The following RASGEF1C variants were observed in gnomAD, a reference collection of about 807,000 sequenced individuals.
The protein encoded by RASGEF1C is RasGEF domain family member 1C, also known as ras-GEF domain-containing family member 1C.
In RASGEF1C, 27 loss-of-function variants were observed where a neutral mutation model predicts 58.1. The observed-to-expected ratio is 0.46, with a 90% CI of 0.34 to 0.64. The LOEUF (loss-of-function observed/expected upper bound fraction) is 0.64. Among genes scored for constraint, RASGEF1C ranks in the 30% least tolerant of loss-of-function variants. The probability of loss-of-function intolerance (pLI) is 0.01; values close to 1 mark genes in which losing one functional copy is unlikely to be tolerated. For missense variants in RASGEF1C, 502 were observed against 605.1 expected, an observed-to-expected ratio of 0.83 and a Z score of 1.79; for synonymous variants, 243 against 246.3, an observed-to-expected ratio of 0.99 and a Z score of 0.13.
rs1007965949 is a variant in RASGEF1C at position 180,177,808 on chromosome 5, CCT to C, written c.-7+31218_-7+31219del. ...ATTTATTTGAACTGTCTGAGCAGAG[CCT>C]CTCTCTCTGCTCAGGGCAAGGTAAG... is the stretch of plus-strand genomic sequence containing the variant. On this transcript the variant is annotated intron_variant, in intron 1 of 13. Transcript: ENST00000361132. This position sits in a 1 kb window ranked among gnomAD's most constrained non-coding sequence, Gnocchi z 5.0. 1.1e-4 allele frequency among the ~76,000 whole-genome samples: 16 copies of C among 152,188 alleles called. No individual in the cohort carries two copies. Among genetic ancestry groups the C allele is most frequent in the Non-Finnish European group, 2.1e-4 (14 of 68,008 alleles).
intron 1 of RASGEF1C, among the ~76,000 whole-genome samples, chr5:180,165,343 G>A (rs1409499325): frequency 2.6e-5 from 4 of 151,998 alleles, no homozygotes; most frequent in African/African-American, 9.7e-5. Context: ...TAGGTTCATG[G>A]CAATGATTTT....
intron 12 of RASGEF1C, among the ~76,000 whole-genome samples, chr5:180,106,082 A>T (rs2113235335): frequency 6.6e-6 from 1 of 152,338 alleles, no homozygotes; most frequent in African/African-American, 2.4e-5. Context: ...TTCAAAACTT[A>T]TGAATTATTT....
chr5:180,176,994 G>A (rs7701001), intron 1 of RASGEF1C, among the ~76,000 whole-genome samples: 103,888 of 152,002 alleles, frequency 0.68, 36,030 homozygotes, highest in Non-Finnish European at 0.75. Context: ...CCAAGACAGG[G>A]CCCCTGGCCT....
At chr5:180,132,969 GAAA>G (rs34307583) in intron 4 of RASGEF1C, among the ~76,000 whole-genome samples, 3 of 99,202 alleles carry the variant, frequency 3.0e-5, no homozygotes, top group African/African-American at 7.9e-5. Context: ...CTCCGTCTCA[GAAA>G]AAAAAAAAAA....
Position 180,158,995 on chromosome 5 carries a change from C to T in RASGEF1C, c.-6-20937G>A, listed in dbSNP as rs1200163757. On this transcript the variant is annotated intron_variant, in intron 1 of 13. Transcript: ENST00000361132. The surrounding 1 kb of genome is among the most constrained non-coding windows in gnomAD (Gnocchi z 4.0). ...AGCATTTCAATTTTATCTTCTAAAT[C>T]TTTTATTTCTGCTGATGTATTATTA... Among the ~76,000 whole-genome samples the T allele has an allele frequency of 6.6e-6, 1 of 151,924 alleles. No homozygotes were observed.
In RASGEF1C at chr5:180,101,359, G is replaced by C. The variant is rs113499659; in HGVS notation, c.*142C>G. 443,039 of 879,836 alleles carry C rather than the reference G, an allele frequency of 0.5. 122,375 individuals carry two copies. The highest frequency in any genetic ancestry group is 0.63 in the South Asian group (39,994 of 63,234). The allele number at this position is 879,836 out of a possible 1,614,324, so 54.5% of individuals were successfully genotyped here. Reference sequence around the variant, plus strand: ...TGCCCGTATGGCCACTGTGGGGGGGGGGGGGGCGGGCAGCAGGCCACAGGG... The same window carrying C: ...TGCCCGTATGGCCACTGTGGGGGGGCGGGGGGCGGGCAGCAGGCCACAGGG... On this transcript the variant is annotated 3_prime_UTR_variant, in exon 14 of 14. Transcript: ENST00000361132.
intron 1 of RASGEF1C, among the ~76,000 whole-genome samples, chr5:180,183,215 A>G (rs189110918): frequency 1.3e-5 from 2 of 152,358 alleles, no homozygotes; most frequent in Admixed American, 1.3e-4. Context: ...GCCACCAGCC[A>G]CATGAGCTTG....
intron 1 of RASGEF1C, among the ~76,000 whole-genome samples, chr5:180,200,279 TAATAGATG>T (rs1418883822): frequency 1.3e-5 from 2 of 148,994 alleles, no homozygotes; most frequent in Non-Finnish European, 3.0e-5. Context: ...TGGATTTATT[TAATAGATG>T]AAGAGATGAA....
intron 1 of RASGEF1C, among the ~76,000 whole-genome samples, chr5:180,170,140 C>G (rs1767082886): frequency 6.6e-6 from 1 of 152,238 alleles, no homozygotes; most frequent in East Asian, 1.9e-4. Flanking sequence ...AGCACTAGAG[C>G]AGGTTTCAGC....
chr5:180,198,016 C>T lies in RASGEF1C; in HGVS notation c.-7+11012G>A, dbSNP rs955396030. ...CTGGCAACAGCGGTGCCTGAGTTAG[C>T]GTATTCCAAATTCATAAACCAAGGT... is the stretch of plus-strand genomic sequence containing the variant. On this transcript the variant is annotated intron_variant, in intron 1 of 13. Transcript: ENST00000361132. This position sits in a 1 kb window ranked among gnomAD's most constrained non-coding sequence, Gnocchi z 4.5. Among the ~76,000 whole-genome samples the T allele has an allele frequency of 6.6e-6, 1 of 152,200 alleles. No homozygotes were observed. Among genetic ancestry groups the T allele is most frequent in the African/African-American group, 2.4e-5 (1 of 41,440 alleles).
At chr5:180,135,030 G>T (rs547484204) in intron 4 of RASGEF1C, among the ~76,000 whole-genome samples, 1 of 116,706 alleles carries the variant, frequency 8.6e-6, no homozygotes, top group African/African-American at 3.4e-5. Flanking sequence ...ACCCCATCCC[G>T]TTTCCGCTGT....
chr5:180,126,432 G>T (rs575914088), intron 6 of RASGEF1C, among the ~76,000 whole-genome samples: 1 of 152,006 alleles, frequency 6.6e-6, no homozygotes, highest in Non-Finnish European at 1.5e-5. Context: ...TCTCCCTCCC[G>T]TTCCTGCCTC....
intron 1 of RASGEF1C, among the ~76,000 whole-genome samples, chr5:180,152,509 A>G (rs1766770302): frequency 6.9e-6 from 1 of 144,312 alleles, no homozygotes; most frequent in Admixed American, 7.3e-5. Flanking sequence ...TGGGAATTGA[A>G]CAATGAGAAC....
chr5:180,189,923 CAAA>C (rs71001085), intron 1 of RASGEF1C, among the ~76,000 whole-genome samples: 1 of 37,204 alleles, frequency 2.7e-5, no homozygotes, highest in African/African-American at 1.0e-4. Flanking sequence ...AACTCCATCT[CAAA>C]AAAAAAAAAA....
At chr5:180,161,456 A>G (rs1766942964) in intron 1 of RASGEF1C, among the ~76,000 whole-genome samples, 1 of 152,220 alleles carries the variant, frequency 6.6e-6, no homozygotes, top group Non-Finnish European at 1.5e-5. Context: ...CCAGGGGGGA[A>G]CTGCCCAGAA....
At chr5:180,134,591 C>T (rs1766433302) in intron 4 of RASGEF1C, among the ~76,000 whole-genome samples, 1 of 151,572 alleles carries the variant, frequency 6.6e-6, no homozygotes, top group Admixed American at 6.6e-5. Context: ...CCCACCTCCC[C>T]TTTTATACAG....
intron 1 of RASGEF1C, among the ~76,000 whole-genome samples, chr5:180,184,780 T>C (rs978732389): frequency 6.6e-6 from 1 of 152,180 alleles, no homozygotes; most frequent in Non-Finnish European, 1.5e-5. Flanking sequence ...GGAATAGATT[T>C]CAGATCAAAT....
chr5:180,174,854 G>C (rs1767197325), intron 1 of RASGEF1C, among the ~76,000 whole-genome samples: 3 of 152,228 alleles, frequency 2.0e-5, no homozygotes, highest in Non-Finnish European at 4.4e-5. Flanking sequence ...GGCTCAGAGA[G>C]AGGGGCCGAC....
chr5:180,103,545 C>A (rs1473283610), intron 12 of RASGEF1C, among the ~76,000 whole-genome samples: 1 of 152,198 alleles, frequency 6.6e-6, no homozygotes, highest in African/African-American at 2.4e-5. Flanking sequence ...TGTCTTGTAT[C>A]CTGCAACCTT....
Sources: gnomAD v4.1 joint callset for allele counts (sites outside exome capture counted in the v4.1 genomes callset) on GRCh38, gnomAD v4.1.1 for gene constraint, Gnocchi (gnomAD v3.1) non-coding constraint, MANE v1.5 for transcripts, NCBI Gene and HGNC (gene_info 2026-07-23, HGNC 2026-07-21) for gene names.